ARHGAP24: variants seen among roughly 807,000 people sequenced by gnomAD.
ARHGAP24 encodes the protein rho GTPase-activating protein 24.
Under a neutral mutation model 76.4 loss-of-function variants are expected in ARHGAP24, and 50 were observed. The observed-to-expected ratio is 0.65, with a 90% confidence interval of 0.52 to 0.83. The LOEUF is 0.83. Ranked by LOEUF, ARHGAP24 falls within the 40% of genes least tolerant of loss-of-function variation. The pLI, the probability that ARHGAP24 is intolerant of heterozygous loss-of-function variation, is 0.00. For missense variants in ARHGAP24, 930 were observed against 914.2 expected (o/e 1.02, Z -0.22); for synonymous variants, 345 against 323.3 (o/e 1.07, Z -0.72).
intron 3 of ARHGAP24, among the ~76,000 whole-genome samples, chr4:85,818,057 T>C (rs945925011): frequency 7.2e-5 from 11 of 152,280 alleles, no homozygotes; most frequent in East Asian, 5.8e-4. Context: ...ATGCAGATGG[T>C]TTAAATGACA....
intron 5 of ARHGAP24, among the ~76,000 whole-genome samples, chr4:85,946,652 G>A (rs1478381078): frequency 2.0e-5 from 3 of 152,172 alleles, no homozygotes; most frequent in African/African-American, 4.8e-5. Context: ...TGCAGCAGAG[G>A]ACATTATTTC....
At chr4:85,627,662 C>T (rs1475473428) in intron 2 of ARHGAP24, among the ~76,000 whole-genome samples, 1 of 152,210 alleles carries the variant, frequency 6.6e-6, no homozygotes, top group African/African-American at 2.4e-5. Context: ...TGCCCTGCCC[C>T]CAGAAGTGGA....
At chr4:85,492,953 C>CA (rs745527294) in intron 1 of ARHGAP24, among the ~76,000 whole-genome samples, 2 of 152,160 alleles carry the variant, frequency 1.3e-5, no homozygotes, top group African/African-American at 2.4e-5. Flanking sequence ...TAGTTTCCTC[C>CA]AATCTGGGTA....
intron 2 of ARHGAP24, among the ~76,000 whole-genome samples, chr4:85,626,407 C>A (rs1319549690): frequency 6.6e-6 from 1 of 152,332 alleles, no homozygotes; most frequent in Middle Eastern, 3.4e-3. Context: ...TCCCCACTCT[C>A]TTCTGGCTGA....
intron 5 of ARHGAP24, among the ~76,000 whole-genome samples, chr4:85,961,791 T>TAC (rs1054393817): frequency 1.2e-4 from 18 of 151,952 alleles, no homozygotes; most frequent in Middle Eastern, 6.8e-3. Context: ...CACACGTGCA[T>TAC]ACACACACAC....
At chr4:85,615,647 ACT>A (rs923044656) in intron 2 of ARHGAP24, among the ~76,000 whole-genome samples, 2 of 152,132 alleles carry the variant, frequency 1.3e-5, no homozygotes, top group Admixed American at 6.5e-5. Context: ...AGAATATATA[ACT>A]CTATGATATA....
intron 2 of ARHGAP24, among the ~76,000 whole-genome samples, chr4:85,685,143 T>G (rs1723370775): frequency 6.6e-6 from 1 of 152,234 alleles, no homozygotes; most frequent in Non-Finnish European, 1.5e-5. Context: ...CATTCTTATA[T>G]GCAGATAAAA....
At chr4:85,894,987 A>C (rs1734076667) in intron 3 of ARHGAP24, among the ~76,000 whole-genome samples, 1 of 13,640 alleles carries the variant, frequency 7.3e-5, no homozygotes, top group African/African-American at 3.1e-4. Context: ...AAAAAAAAAA[A>C]ACAAAACAAA....
intron 1 of ARHGAP24, among the ~76,000 whole-genome samples, chr4:85,566,707 C>T (rs967773578): frequency 2.0e-5 from 3 of 152,138 alleles, no homozygotes; most frequent in Non-Finnish European, 4.4e-5. Context: ...TGTCCTTGAC[C>T]TCGTGAAGCT....
At chr4:85,927,911 C>A (rs917105845) in intron 4 of ARHGAP24, among the ~76,000 whole-genome samples, 7 of 152,126 alleles carry the variant, frequency 4.6e-5, no homozygotes, top group African/African-American at 1.7e-4. Context: ...TTGTCTAGTT[C>A]TTCAGTCTCC....
At position 85,938,253 on chromosome 4, in the gene ARHGAP24, C is replaced by T. The variant is rs144789122; in HGVS notation, c.392-3813C>T. ...GAGGTAGGCATGGTATTCATCACCGCCCAGAAATACTGGGGACGGTTTTGT... is the reference window on the plus strand; with the variant it reads ...GAGGTAGGCATGGTATTCATCACCGTCCAGAAATACTGGGGACGGTTTTGT... On this transcript the variant is annotated intron_variant, in intron 4 of 9. Coordinates refer to ENST00000395184, the MANE Select transcript of ARHGAP24 (RefSeq NM_001025616.3). 2.0e-4 allele frequency among the ~76,000 whole-genome samples: 31 copies of T among 152,262 alleles called. No individual in the cohort carries two copies. The East Asian group carries it at 5.8e-3, about 28-fold the overall frequency.
intron 6 of ARHGAP24, 119 bp from the exon 7 acceptor site, chr4:85,974,769 A>T: frequency 1.2e-6 from 1 of 848,012 alleles, no homozygotes; most frequent in Non-Finnish European, 1.9e-6. Flanking sequence ...TCGGGACAAG[A>T]TCTTTCACTG....
Position 85,613,318 on chromosome 4 carries a change from C to T in ARHGAP24, c.180+42597C>T, listed in dbSNP as rs564242893. 2.2e-3 allele frequency among the ~76,000 whole-genome samples: 342 copies of T among 152,152 alleles called. 1 individual carries two copies. The highest frequency in any genetic ancestry group is 4.3e-3 in the Non-Finnish European group (295 of 68,004). On this transcript the variant is annotated intron_variant, in intron 2 of 9. Transcript: ENST00000395184. ...ATGTTGATTAATTTAGGACGTACTT[C>T]GTTCATTTTAACTGCTATATAATAT...
intron 3 of ARHGAP24, among the ~76,000 whole-genome samples, chr4:85,913,719 C>A (rs139785492): frequency 2.0e-4 from 30 of 152,132 alleles, no homozygotes; most frequent in African/African-American, 7.2e-4. Context: ...GCTTTACCTC[C>A]TAGGGTTCTT....
Position 85,661,391 on chromosome 4 carries a change from AGTTT to A in ARHGAP24, c.181-60489_181-60486del, listed in dbSNP as rs888048979. 3.9e-5 allele frequency among the ~76,000 whole-genome samples: 6 copies of A among 152,134 alleles called. No homozygotes were observed. In the East Asian group the frequency reaches 1.2e-3, roughly 29 times the overall value. On this transcript the variant is annotated intron_variant, in intron 2 of 9. Transcript: ENST00000395184. The stretch of plus-strand genomic sequence containing the variant: ...TACGTCGTAGGCTCAAATCTATTAC[AGTTT>A]GTTTATTGTCAAGTCTTCATATGGT...
chr4:85,722,334 A>G (rs977562001), intron 3 of ARHGAP24: 1 of 185,766 alleles, frequency 5.4e-6, no homozygotes, highest in African/African-American at 2.4e-5. Context: ...CAGTGGAATC[A>G]CTGACATATT....
intron 2 of ARHGAP24, among the ~76,000 whole-genome samples, chr4:85,601,920 C>T (rs1473873467): frequency 6.6e-6 from 1 of 152,078 alleles, no homozygotes; most frequent in African/African-American, 2.4e-5. Context: ...CAACTTTCCA[C>T]AGTGGGAGCC....
chr4:85,877,299 G>T (rs940620522), intron 3 of ARHGAP24, among the ~76,000 whole-genome samples: 1 of 152,038 alleles, frequency 6.6e-6, no homozygotes, highest in Admixed American at 6.6e-5. Context: ...TATTTATTTT[G>T]AAACATTACA....
chr4:85,640,185 G>A (rs1481675057), intron 2 of ARHGAP24, among the ~76,000 whole-genome samples: 1 of 152,124 alleles, frequency 6.6e-6, no homozygotes, highest in Non-Finnish European at 1.5e-5. Flanking sequence ...ACTCCAGGGC[G>A]AGGTACCAGA....
Sources: gnomAD v4.1 joint callset for allele counts (sites outside exome capture counted in the v4.1 genomes callset) on GRCh38, gnomAD v4.1.1 for gene constraint, MANE v1.5 for transcripts, NCBI Gene and HGNC (gene_info 2026-07-23, HGNC 2026-07-21) for gene names.